Variants in SLC16A10 observed in about 807,000 individuals in gnomAD.
The protein encoded by SLC16A10 is monocarboxylate transporter 10.
SLC16A10 carries 27 observed loss-of-function variants against 40.0 expected under a neutral mutation model. That is an observed-to-expected ratio of 0.67 (90% CI 0.50 to 0.93). The LOEUF (loss-of-function observed/expected upper bound fraction) is 0.93. Among genes scored for constraint, SLC16A10 ranks in the 40% least tolerant of loss-of-function variants. The probability of loss-of-function intolerance (pLI) is 0.00; values close to 1 mark genes in which losing one functional copy is unlikely to be tolerated. For synonymous variants in SLC16A10, 213 were observed against 249.8 expected (o/e 0.85, Z 1.39); for missense variants, 529 against 658.2 (o/e 0.80, Z 2.15).
At chr6:111,145,033 A>G (rs1344339024) in intron 1 of SLC16A10, among the ~76,000 whole-genome samples, 2 of 149,888 alleles carry the variant, frequency 1.3e-5, no homozygotes, top group Non-Finnish European at 3.0e-5. Flanking sequence ...GGGTCTTGCC[A>G]TGTTGCCCAG....
At chr6:111,099,357 C>T (rs1215777647) in intron 1 of SLC16A10, among the ~76,000 whole-genome samples, 2 of 152,100 alleles carry the variant, frequency 1.3e-5, no homozygotes, top group Non-Finnish European at 2.9e-5. Flanking sequence ...GCTCTGCTGC[C>T]CAGGCTGAAG....
chr6:111,194,283 T>C (rs1773043858), intron 3 of SLC16A10, among the ~76,000 whole-genome samples: 1 of 152,230 alleles, frequency 6.6e-6, no homozygotes, highest in Admixed American at 6.5e-5. Context: ...TATCTCCATC[T>C]TGCAGGGAGA....
intron 1 of SLC16A10, among the ~76,000 whole-genome samples, chr6:111,137,630 C>T (rs969907471): frequency 6.6e-6 from 1 of 152,222 alleles, no homozygotes; most frequent in Non-Finnish European, 1.5e-5. Context: ...AGGCACCCCT[C>T]CCGAGGAAAT....
At chr6:111,165,240 T>C (rs1084639) in intron 1 of SLC16A10, among the ~76,000 whole-genome samples, 124,872 of 152,126 alleles carry the variant, frequency 0.82, 51,402 homozygotes, top group Non-Finnish European at 0.86. Context: ...TTTAATTCTT[T>C]GGGTTTCATG....
intron 3 of SLC16A10, among the ~76,000 whole-genome samples, chr6:111,183,415 A>T (rs1337270822): frequency 2.0e-5 from 3 of 152,208 alleles, no homozygotes; most frequent in Admixed American, 2.0e-4. Flanking sequence ...AAGGGTAAGG[A>T]TCTATTTCAT....
intron 1 of SLC16A10, among the ~76,000 whole-genome samples, chr6:111,163,146 A>AT (rs34027805): frequency 0.03 from 2,551 of 85,282 alleles, 80 homozygotes; most frequent in East Asian, 0.073. Context: ...CAACATAATA[A>AT]TTTTTTTTTT....
chr6:111,206,448 A>T, intron 3 of SLC16A10, 144 bp from the exon 4 acceptor site: 1 of 797,082 alleles, frequency 1.3e-6, no homozygotes, highest in Non-Finnish European at 2.0e-6. Context: ...AAATTATCAC[A>T]GGACAAGTTT....
At chr6:111,145,298 G>A (rs888800762) in intron 1 of SLC16A10, among the ~76,000 whole-genome samples, 10 of 152,122 alleles carry the variant, frequency 6.6e-5, no homozygotes, top group African/African-American at 2.4e-4. Flanking sequence ...CTACTCAGGA[G>A]GCTGTAGCTG....
chr6:111,104,122 C>A lies in SLC16A10; in HGVS notation c.343+16027C>A, dbSNP rs113948043. 3.0e-3 allele frequency among the ~76,000 whole-genome samples: 449 copies of A among 152,188 alleles called. 5 individuals are homozygous for A. The highest frequency in any genetic ancestry group is 0.01 in the African/African-American group (425 of 41,510). ...GAAAGGTCATAGACTATAAGGCTGG[C>A]AAAGAATGGTGGAGCTGGGGAACGG... On this transcript the variant is annotated intron_variant, in intron 1 of 5. Transcript: ENST00000368851.
intron 1 of SLC16A10, among the ~76,000 whole-genome samples, chr6:111,164,420 T>C (rs547376065): frequency 6.6e-6 from 1 of 152,294 alleles, no homozygotes; most frequent in East Asian, 1.9e-4. Context: ...ATTGGTAATA[T>C]GGCCTTACAA....
intron 1 of SLC16A10, among the ~76,000 whole-genome samples, chr6:111,142,729 G>A (rs930785405): frequency 2.6e-5 from 4 of 152,230 alleles, no homozygotes; most frequent in East Asian, 1.9e-4. Flanking sequence ...CCAAGTGCTG[G>A]TGAGGATGTG....
At chr6:111,215,731 G>A (rs886247293) in intron 4 of SLC16A10, among the ~76,000 whole-genome samples, 6 of 152,306 alleles carry the variant, frequency 3.9e-5, no homozygotes, top group East Asian at 1.9e-4. Flanking sequence ...AGAGTTGGAC[G>A]CAGTGGCTCA....
Position 111,221,953 on chromosome 6 carries a change from C to T in SLC16A10, c.1316-50C>T, listed in dbSNP as rs750366276. ...CAGTCCTGTGGCTGATCTAGACCCC[C>T]TACAGAGCCACACTTGTTCTCCCTT... On this transcript the variant is annotated intron_variant, in intron 5 of 5. Coordinates refer to ENST00000368851, the MANE Select transcript of SLC16A10 (RefSeq NM_018593.5). The T allele has an allele frequency of 1.2e-5, 18 of 1,557,272 alleles. No individual in the cohort carries two copies. The African/African-American group carries it at 2.5e-4, about 22-fold the overall frequency.
At chr6:111,134,799 A>G (rs1771848167) in intron 1 of SLC16A10, among the ~76,000 whole-genome samples, 1 of 152,198 alleles carries the variant, frequency 6.6e-6, no homozygotes. Context: ...CTGAGTCAGA[A>G]GCCACTAACC....
chr6:111,114,238 T>A (rs1156530202), intron 1 of SLC16A10, among the ~76,000 whole-genome samples: 1 of 152,244 alleles, frequency 6.6e-6, no homozygotes, highest in African/African-American at 2.4e-5. Flanking sequence ...TCACAGTTAG[T>A]TGAGACGTTA....
chr6:111,113,422 A>G (rs1771425681), intron 1 of SLC16A10, among the ~76,000 whole-genome samples: 1 of 152,190 alleles, frequency 6.6e-6, no homozygotes, highest in South Asian at 2.1e-4. Flanking sequence ...GTGTTTTTCG[A>G]TCACATGGAA....
rs910002069 is a variant in SLC16A10 at position 111,225,640 on chromosome 6, A to T, written c.*3405A>T. On this transcript the variant is annotated 3_prime_UTR_variant, in exon 6 of 6. Coordinates refer to ENST00000368851, the MANE Select transcript of SLC16A10 (RefSeq NM_018593.5). ...CTAATCCTTTTAGCTGCATTTAAGAATATTTTAATTTATACGAATGTTACT... is the reference window on the plus strand; with the variant it reads ...CTAATCCTTTTAGCTGCATTTAAGATTATTTTAATTTATACGAATGTTACT... 1 of 152,054 alleles carries T rather than the reference A, an allele frequency of 6.6e-6. No individual in the cohort carries two copies. Among genetic ancestry groups the T allele is most frequent in the South Asian group, 2.1e-4 (1 of 4,832 alleles). The allele number at this position is 152,054 out of a possible 1,614,324, so 9.4% of individuals were successfully genotyped here.
At chr6:111,092,760 C>T (rs1044788427) in intron 1 of SLC16A10, among the ~76,000 whole-genome samples, 11 of 151,704 alleles carry the variant, frequency 7.3e-5, no homozygotes, top group African/African-American at 2.7e-4. Context: ...CAATTTTGGG[C>T]TGGGCGCAGT....
intron 1 of SLC16A10, among the ~76,000 whole-genome samples, chr6:111,095,908 C>G (rs9400465): frequency 0.62 from 94,865 of 152,058 alleles, 30,819 homozygotes; most frequent in East Asian, 0.89. Context: ...CTTCATAACA[C>G]TATGAAAATG....
Sources: gnomAD v4.1 joint callset for allele counts (sites outside exome capture counted in the v4.1 genomes callset) on GRCh38, gnomAD v4.1.1 for gene constraint, MANE v1.5 for transcripts, NCBI Gene and HGNC (gene_info 2026-07-23, HGNC 2026-07-21) for gene names.